Variants in ATXN10 observed in about 807,000 individuals in gnomAD.
ATXN10 encodes ataxin 10, also known as ataxin-10.
In ATXN10, 28 loss-of-function variants were observed where a neutral mutation model predicts 52.9. The observed-to-expected ratio is 0.53, with a 90% CI of 0.39 to 0.73. The LOEUF is 0.73. Ranked by LOEUF, ATXN10 falls within the 30% of genes least tolerant of loss-of-function variation. The probability of loss-of-function intolerance (pLI) is 0.00; values close to 1 mark genes in which losing one functional copy is unlikely to be tolerated. For missense variants in ATXN10, 565 were observed against 577.0 expected (o/e 0.98, Z 0.21); for synonymous variants, 226 against 221.5 (o/e 1.02, Z -0.18).
At chr22:45,832,565 C>T (rs748451013) in intron 10 of ATXN10, among the ~76,000 whole-genome samples, 5 of 152,234 alleles carry the variant, frequency 3.3e-5, no homozygotes, top group Non-Finnish European at 7.3e-5. Flanking sequence ...AGAATGTAAA[C>T]GCCCCAAGGG....
chr22:45,724,178 A>AT (rs1924776651), intron 6 of ATXN10, among the ~76,000 whole-genome samples: 1 of 152,120 alleles, frequency 6.6e-6, no homozygotes, highest in African/African-American at 2.4e-5. Context: ...CTTTGGGTAG[A>AT]TACCCAGTAG....
chr22:45,740,576 C>T lies in ATXN10; in HGVS notation c.1173+38C>T, dbSNP rs769317604. ...CTTAGTATGTATTATACATGTATGG[C>T]TTCATTTAGAATATAGTCCTTGGAA... On this transcript the variant is annotated intron_variant, in intron 9 of 11. Coordinates refer to ENST00000252934, the MANE Select transcript of ATXN10 (RefSeq NM_013236.4). 5 of 1,591,232 alleles carry T rather than the reference C, an allele frequency of 3.1e-6. No individual in the cohort carries two copies. The South Asian group carries it at 5.5e-5, about 18-fold the overall frequency.
rs553894915 is a variant in ATXN10, at chr22:45,715,709, C to G, written c.648-2704C>G. Among the ~76,000 whole-genome samples the G allele has an allele frequency of 2.0e-5, 3 of 152,316 alleles. No individual in the cohort carries two copies. In the South Asian group the frequency reaches 6.2e-4, roughly 32 times the overall value. ...CACCTGAGTGATATTTATAGACCTT[C>G]CCTTAGTACTTCCAAACTCCACTTT... On this transcript the variant is annotated intron_variant, in intron 5 of 11. Coordinates refer to ENST00000252934, the MANE Select transcript of ATXN10 (RefSeq NM_013236.4). The surrounding 1 kb of genome is among the most constrained non-coding windows in gnomAD (Gnocchi z 4.4).
At chr22:45,737,988 A>G (rs1425215739) in intron 7 of ATXN10, among the ~76,000 whole-genome samples, 1 of 152,098 alleles carries the variant, frequency 6.6e-6, no homozygotes, top group Non-Finnish European at 1.5e-5. Context: ...ATCTTTATGG[A>G]CTAACTTTAT....
chr22:45,823,387 T>C lies in ATXN10; in HGVS notation c.1237+16365T>C, dbSNP rs1324204995. The C allele has an allele frequency of 6.4e-6, 2 of 313,090 alleles. No homozygotes were observed. Among genetic ancestry groups the C allele is most frequent in the African/African-American group, 4.4e-5 (2 of 45,330 alleles). The allele number at this position is 313,090 out of a possible 1,614,324, so 19.4% of individuals were successfully genotyped here. The stretch of plus-strand genomic sequence containing the variant: ...TTGCCTTCTATCTGGATTTGTAATC[T>C]ATCAGAATTGTAATTATTTATGATG... On this transcript the variant is annotated intron_variant, in intron 10 of 11. Coordinates refer to ENST00000252934, the MANE Select transcript of ATXN10 (RefSeq NM_013236.4). This position sits in a 1 kb window ranked among gnomAD's most constrained non-coding sequence, Gnocchi z 4.9.
Position 45,844,296 on chromosome 22 carries a change from C to G in ATXN10, c.*625C>G, listed in dbSNP as rs1005515762. The G allele has an allele frequency of 3.9e-5, 6 of 155,844 alleles. No individual in the cohort carries two copies. The highest frequency in any genetic ancestry group is 1.4e-4 in the African/African-American group (6 of 41,470). 9.7% of individuals were successfully genotyped at this position (155,844 alleles called of 1,614,324 possible). A position where few individuals can be genotyped will look rare whatever the true frequency, so the allele number is the denominator to read the frequency against. ...GGTGAGAGAACATGTGGGCACTTAA[C>G]TCTTCATGTTCCAGTTCATCCCAGA... On this transcript the variant is annotated 3_prime_UTR_variant, in exon 12 of 12. Coordinates refer to ENST00000252934, the MANE Select transcript of ATXN10 (RefSeq NM_013236.4).
intron 10 of ATXN10, among the ~76,000 whole-genome samples, chr22:45,817,630 T>C (rs1000006481): frequency 6.7e-6 from 1 of 148,462 alleles, no homozygotes; most frequent in African/African-American, 2.5e-5. Flanking sequence ...CAGCCTTAAT[T>C]TTTTTTTTTT....
rs1463558107 is a variant in ATXN10, at chr22:45,789,965, T to C, written c.1174-16994T>C. Among the ~76,000 whole-genome samples, 1 of 152,204 alleles carries C rather than the reference T, an allele frequency of 6.6e-6. No individual in the cohort carries two copies. The highest frequency in any genetic ancestry group is 2.4e-5 in the African/African-American group (1 of 41,462). ...TTCATTCCATATTAAGATACTCCAA[T>C]GAAAGGCCTACATTCATTGTAATAA... On this transcript the variant is annotated intron_variant, in intron 9 of 11. Coordinates refer to ENST00000252934, the MANE Select transcript of ATXN10 (RefSeq NM_013236.4). This position sits in a 1 kb window ranked among gnomAD's most constrained non-coding sequence, Gnocchi z 4.0.
At chr22:45,756,585 C>T (rs1433523375) in intron 9 of ATXN10, among the ~76,000 whole-genome samples, 2 of 152,146 alleles carry the variant, frequency 1.3e-5, no homozygotes, top group African/African-American at 4.8e-5. Context: ...GAAAAATGAA[C>T]TATTGCTTGA....
intron 10 of ATXN10, among the ~76,000 whole-genome samples, chr22:45,836,235 G>C (rs1211713356): frequency 6.6e-6 from 1 of 152,250 alleles, no homozygotes; most frequent in Non-Finnish European, 1.5e-5. Context: ...TGACATAAAT[G>C]AGAGTTGAGA....
intron 10 of ATXN10, among the ~76,000 whole-genome samples, chr22:45,838,679 G>C (rs943169585): frequency 6.6e-6 from 1 of 152,164 alleles, no homozygotes; most frequent in Non-Finnish European, 1.5e-5. Context: ...TGACACTTCA[G>C]ACTGTCTAGG....
intron 5 of ATXN10, among the ~76,000 whole-genome samples, chr22:45,707,273 A>T (rs1924079512): frequency 6.6e-6 from 1 of 152,286 alleles, no homozygotes; most frequent in Non-Finnish European, 1.5e-5. Context: ...GTGAGGTATG[A>T]GCTTTTTCAA....
At position 45,683,300 on chromosome 22, in the gene ATXN10, C is replaced by T. The variant is rs1923002144; in HGVS notation, c.117-6412C>T. Among the ~76,000 whole-genome samples the T allele has an allele frequency of 6.6e-6, 1 of 152,208 alleles. No individual in the cohort carries two copies. The highest frequency in any genetic ancestry group is 1.5e-5 in the Non-Finnish European group (1 of 68,030). On this transcript the variant is annotated intron_variant, in intron 1 of 11. Transcript: ENST00000252934. This position sits in a 1 kb window ranked among gnomAD's most constrained non-coding sequence, Gnocchi z 4.8. ...TGCCTCTGCACTCCAGCCTGGGCAACAGAGCAAAACTCTGTCTCAAAAACA... is the reference window on the plus strand; with the variant it reads ...TGCCTCTGCACTCCAGCCTGGGCAATAGAGCAAAACTCTGTCTCAAAAACA...
rs975812866 is a variant in ATXN10 at position 45,786,052 on chromosome 22, A to G, written c.1174-20907A>G. Among the ~76,000 whole-genome samples, 1 of 152,208 alleles carries G rather than the reference A, an allele frequency of 6.6e-6. No individual in the cohort carries two copies. The highest frequency in any genetic ancestry group is 2.4e-5 in the African/African-American group (1 of 41,458). ...TCTTAAAAATCAGCTAATTTCATTC[A>G]TTATTTAAACAAAGATTTTATCTGC... On this transcript the variant is annotated intron_variant, in intron 9 of 11. Transcript: ENST00000252934. The surrounding 1 kb of genome is among the most constrained non-coding windows in gnomAD (Gnocchi z 4.1).
At chr22:45,832,263 C>G (rs1929018135) in intron 10 of ATXN10, among the ~76,000 whole-genome samples, 1 of 152,166 alleles carries the variant, frequency 6.6e-6, no homozygotes, top group Non-Finnish European at 1.5e-5. Flanking sequence ...CTTGACTGAC[C>G]TCTGCTTCTT....
In ATXN10 at chr22:45,763,920, C is replaced by G. The variant is rs1926488489; in HGVS notation, c.1173+23382C>G. On this transcript the variant is annotated intron_variant, in intron 9 of 11. Transcript: ENST00000252934. This position sits in a 1 kb window ranked among gnomAD's most constrained non-coding sequence, Gnocchi z 6.9. Reference sequence around the variant, plus strand: ...TTACCCCCACCTCCCCCAGTGTCTTCCAGGCCCCCTTCTTATCTAAGGCTG... The same window carrying G: ...TTACCCCCACCTCCCCCAGTGTCTTGCAGGCCCCCTTCTTATCTAAGGCTG... Among the ~76,000 whole-genome samples the G allele has an allele frequency of 6.7e-6, 1 of 149,748 alleles. No homozygotes were observed. Among genetic ancestry groups the G allele is most frequent in the Admixed American group, 6.7e-5 (1 of 14,972 alleles).
intron 1 of ATXN10, chr22:45,673,145 T>C (rs893544123): frequency 2.0e-5 from 3 of 152,216 alleles, no homozygotes; most frequent in Non-Finnish European, 4.4e-5. Context: ...TAAATGTAGC[T>C]GATATTATCA....
chr22:45,752,986 G>A (rs1014713361), intron 9 of ATXN10, among the ~76,000 whole-genome samples: 1 of 151,928 alleles, frequency 6.6e-6, no homozygotes, highest in Non-Finnish European at 1.5e-5. Flanking sequence ...TGCCCACCTC[G>A]GCCTCCCAAA....
rs963607397 is a variant in ATXN10, at chr22:45,816,839, G to A, written c.1237+9817G>A. Among the ~76,000 whole-genome samples the A allele has an allele frequency of 6.6e-6, 1 of 152,018 alleles. No homozygotes were observed. Among genetic ancestry groups the A allele is most frequent in the Non-Finnish European group, 1.5e-5 (1 of 68,018 alleles). On this transcript the variant is annotated intron_variant, in intron 10 of 11. Coordinates refer to ENST00000252934, the MANE Select transcript of ATXN10 (RefSeq NM_013236.4). The surrounding 1 kb of genome is among the most constrained non-coding windows in gnomAD (Gnocchi z 5.8). Reference sequence around the variant, plus strand: ...TCTGAACTGTAGTGCCACATCTTTGGGAATGCAGGAATCTTAGAATAAATG... The same window carrying A: ...TCTGAACTGTAGTGCCACATCTTTGAGAATGCAGGAATCTTAGAATAAATG...
Sources: gnomAD v4.1 joint callset for allele counts (sites outside exome capture counted in the v4.1 genomes callset) on GRCh38, gnomAD v4.1.1 for gene constraint, Gnocchi (gnomAD v3.1) non-coding constraint, MANE v1.5 for transcripts, NCBI Gene and HGNC (gene_info 2026-07-23, HGNC 2026-07-21) for gene names.